The following BCL11A variants were observed in gnomAD, a reference collection of about 807,000 sequenced individuals.
BCL11A encodes the protein BCL11 transcription factor A.
In BCL11A, 2 loss-of-function variants were observed where a neutral mutation model predicts 55.9. The ratio of observed to expected loss-of-function variants is 0.04; its 90% confidence interval spans 0.01 to 0.11. BCL11A has a LOEUF of 0.11. BCL11A is among the 10% of genes least tolerant of loss of function. The pLI, the probability that BCL11A is intolerant of heterozygous loss-of-function variation, is 1.00. For missense variants in BCL11A, 817 were observed against 1,137.1 expected (o/e 0.72, Z 4.05); for synonymous variants, 465 against 473.4 (o/e 0.98, Z 0.23).
At chr2:60,553,010 T>C (rs1212018231) in intron 1 of BCL11A, among the ~76,000 whole-genome samples, 1 of 151,706 alleles carries the variant, frequency 6.6e-6, no homozygotes, top group Non-Finnish European at 1.5e-5. Context: ...GTGCGTGCTG[T>C]CTCAAAAGTG....
At position 60,517,489 on chromosome 2, in the gene BCL11A, C is replaced by T. The variant is rs187126821; in HGVS notation, c.385+28482G>A. On this transcript the variant is annotated intron_variant, in intron 2 of 3. Coordinates refer to ENST00000642384, the MANE Select transcript of BCL11A (RefSeq NM_022893.4). The stretch of plus-strand genomic sequence containing the variant: ...TGGTGGTTTTGTTGCTTGGGTTTTA[C>T]CATGGGCTCCCCAGGTTAGCACTGC... Among the ~76,000 whole-genome samples, 649 of 152,342 alleles carry T rather than the reference C, an allele frequency of 4.3e-3. 7 individuals are homozygous for T. Among genetic ancestry groups the T allele is most frequent in the Non-Finnish European group, 5.9e-3 (400 of 68,022 alleles).
At chr2:60,478,496 G>A (rs961873920) in intron 2 of BCL11A, among the ~76,000 whole-genome samples, 1 of 152,252 alleles carries the variant, frequency 6.6e-6, no homozygotes, top group African/African-American at 2.4e-5. Flanking sequence ...TTCAGGGGAA[G>A]CGTGGAAGGC....
intron 2 of BCL11A, among the ~76,000 whole-genome samples, chr2:60,504,532 CA>C (rs58315277): frequency 0.05 from 7,599 of 152,240 alleles, 383 homozygotes; most frequent in East Asian, 0.2. Context: ...GGGAGCTCAG[CA>C]TCGGGACACC....
At chr2:60,489,242 A>G (rs984587676) in intron 2 of BCL11A, among the ~76,000 whole-genome samples, 1 of 152,222 alleles carries the variant, frequency 6.6e-6, no homozygotes, top group African/African-American at 2.4e-5. Context: ...ACTAGCCCAC[A>G]TGCCAATGGG....
At position 60,461,455 on chromosome 2, in the gene BCL11A, TCCTCGTCCC is replaced by T; in HGVS notation, c.1448_1456del (p.Gly483_Glu485del). The T allele has an allele frequency of 6.2e-7, 1 of 1,604,478 alleles. No homozygotes were observed. Among genetic ancestry groups the T allele is most frequent in the Non-Finnish European group, 8.5e-7 (1 of 1,179,450 alleles). On this transcript the variant is annotated inframe_deletion, in exon 4 of 4. Transcript: ENST00000642384. ...CTCTTCCTCGTCGTCCTCCTCTTCCTCCTCGTCCCCGTTCTCCGGGATCAGGTTGGGGTC... is the reference window on the plus strand; with the variant it reads ...CTCTTCCTCGTCGTCCTCCTCTTCCTCGTTCTCCGGGATCAGGTTGGGGTC...
rs1168472059 is a variant in BCL11A at position 60,545,938 on chromosome 2, T to G, written c.385+33A>C. 8.8e-6 allele frequency: 14 copies of G among 1,584,178 alleles called. No homozygotes were observed. The Admixed American group carries it at 2.4e-4, about 27-fold the overall frequency. ...CACCTCTGAAAATGAAAAGAAAACA[T>G]GCAAACAGCTTTTCTCCTTGCTTCT... On this transcript the variant is annotated intron_variant, in intron 2 of 3. Coordinates refer to ENST00000642384, the MANE Select transcript of BCL11A (RefSeq NM_022893.4).
At chr2:60,471,444 A>C (rs1677190617) in intron 2 of BCL11A, among the ~76,000 whole-genome samples, 1 of 152,228 alleles carries the variant, frequency 6.6e-6, no homozygotes, top group Non-Finnish European at 1.5e-5. Flanking sequence ...TTGGTAAGTA[A>C]AATCGACATT....
rs1239744176 is a variant in BCL11A, at chr2:60,467,828, A to G, written c.487+904T>C. On this transcript the variant is annotated intron_variant, in intron 3 of 3. Coordinates refer to ENST00000642384, the MANE Select transcript of BCL11A (RefSeq NM_022893.4). ...GGTGATGGTACTGGTGGTGATGGTG[A>G]TGGTGGTGGTGGTGGTGATGCTACT... Among the ~76,000 whole-genome samples the G allele has an allele frequency of 2.2e-3, 150 of 68,638 alleles. 4 individuals are homozygous for G. The highest frequency in any genetic ancestry group is 0.013 in the Middle Eastern group (1 of 78). The allele number at this position is 68,638 out of a possible 152,430, so 45.0% of individuals were successfully genotyped here.
Position 60,546,434 on chromosome 2 carries a change from A to G in BCL11A, c.56-134T>C, listed in dbSNP as rs1573097232. On this transcript the variant is annotated intron_variant, in intron 1 of 3. Coordinates refer to ENST00000642384, the MANE Select transcript of BCL11A (RefSeq NM_022893.4). The surrounding 1 kb of genome is among the most constrained non-coding windows in gnomAD (Gnocchi z 4.1). ...TAGGCTTCTCTATATAATACCCAGAAAATGTGAGCATACAAAAAGTACAAG... is the reference window on the plus strand; with the variant it reads ...TAGGCTTCTCTATATAATACCCAGAGAATGTGAGCATACAAAAAGTACAAG... The G allele has an allele frequency of 1.3e-6, 1 of 750,360 alleles. No homozygotes were observed. Among genetic ancestry groups the G allele is most frequent in the East Asian group, 2.7e-5 (1 of 36,990 alleles). The allele number at this position is 750,360 out of a possible 1,614,324, so 46.5% of individuals were successfully genotyped here.
At chr2:60,478,869 G>A (rs776929553) in intron 2 of BCL11A, among the ~76,000 whole-genome samples, 4 of 152,274 alleles carry the variant, frequency 2.6e-5, no homozygotes, top group Non-Finnish European at 4.4e-5. Context: ...GCACCTTCCC[G>A]CCTCCCAGGC....
chr2:60,505,097 A>G (rs1288518435), intron 2 of BCL11A, among the ~76,000 whole-genome samples: 1 of 152,078 alleles, frequency 6.6e-6, no homozygotes, highest in Admixed American at 6.6e-5. Context: ...TCACAGGGTT[A>G]CTCATGAGGT....
Position 60,546,693 on chromosome 2 carries a change from T to TA in BCL11A, c.56-394dup, listed in dbSNP as rs911720360. ...AATAATAACTACAAGAAAAACTGGT[T>TA]AAAAAAAAAAGTGGATAGAAACCAA... On this transcript the variant is annotated intron_variant, in intron 1 of 3. Coordinates refer to ENST00000642384, the MANE Select transcript of BCL11A (RefSeq NM_022893.4). This position sits in a 1 kb window ranked among gnomAD's most constrained non-coding sequence, Gnocchi z 4.1. Among the ~76,000 whole-genome samples, 52 of 148,064 alleles carry TA rather than the reference T, an allele frequency of 3.5e-4. 1 individual carries two copies. In the South Asian group the frequency reaches 7.1e-3, roughly 20 times the overall value.
intron 3 of BCL11A, among the ~76,000 whole-genome samples, chr2:60,467,150 G>GTAC (rs1676695727): frequency 1.0e-5 from 1 of 97,076 alleles, no homozygotes; most frequent in African/African-American, 5.1e-5. Flanking sequence ...GGTGGTGATG[G>GTAC]TGGTGGTGGT....
chr2:60,505,156 T>A (rs757912768), intron 2 of BCL11A, among the ~76,000 whole-genome samples: 23 of 151,576 alleles, frequency 1.5e-4, no homozygotes, highest in African/African-American at 2.4e-5. Context: ...AAAAAAAAAA[T>A]GTGATTTTAT....
intron 2 of BCL11A, among the ~76,000 whole-genome samples, chr2:60,514,330 A>G (rs918717037): frequency 6.6e-6 from 1 of 152,150 alleles, no homozygotes; most frequent in African/African-American, 2.4e-5. Flanking sequence ...ATTTCTGGGC[A>G]GTCCCAAGAC....
chr2:60,455,538 C>T (rs1021365755), downstream of BCL11A, among the ~76,000 whole-genome samples: 1 of 152,134 alleles, frequency 6.6e-6, no homozygotes, highest in African/African-American at 2.4e-5. Context: ...ACTTTGGGAC[C>T]ATGTAAATCA....
intron 2 of BCL11A, among the ~76,000 whole-genome samples, chr2:60,521,411 C>T (rs1444242769): frequency 1.3e-5 from 2 of 152,344 alleles, no homozygotes; most frequent in South Asian, 2.1e-4. Flanking sequence ...TTAGGCCAGT[C>T]TCAGCTTCCA....
Position 60,521,041 on chromosome 2 carries a change from G to A in BCL11A, c.385+24930C>T, listed in dbSNP as rs143774080. Among the ~76,000 whole-genome samples, 6 of 151,270 alleles carry A rather than the reference G, an allele frequency of 4.0e-5. No homozygotes were observed. The East Asian group carries it at 1.2e-3, about 29-fold the overall frequency. On this transcript the variant is annotated intron_variant, in intron 2 of 3. Coordinates refer to ENST00000642384, the MANE Select transcript of BCL11A (RefSeq NM_022893.4). ...GAAAGGGATGAAATGGAGAGGAAAGGAAAAGGAAGTGTAGCCTAGTGGTCA... is the reference window on the plus strand; with the variant it reads ...GAAAGGGATGAAATGGAGAGGAAAGAAAAAGGAAGTGTAGCCTAGTGGTCA...
At chr2:60,514,339 AC>A (rs1668630451) in intron 2 of BCL11A, among the ~76,000 whole-genome samples, 1 of 152,238 alleles carries the variant, frequency 6.6e-6, no homozygotes, top group African/African-American at 2.4e-5. Flanking sequence ...CAGTCCCAAG[AC>A]TTGGAGAACA....
Sources: gnomAD v4.1 joint callset for allele counts (sites outside exome capture counted in the v4.1 genomes callset) on GRCh38, gnomAD v4.1.1 for gene constraint, Gnocchi (gnomAD v3.1) non-coding constraint, MANE v1.5 for transcripts, NCBI Gene and HGNC (gene_info 2026-07-23, HGNC 2026-07-21) for gene names.